The following CTNND2 variants were observed in gnomAD, a reference collection of about 807,000 sequenced individuals.
CTNND2 encodes catenin delta-2.
Under a neutral mutation model 144.4 loss-of-function variants are expected in CTNND2, and 22 were observed. The ratio of observed to expected loss-of-function variants is 0.15; its 90% CI spans 0.11 to 0.22. CTNND2 has a LOEUF of 0.22. CTNND2 is among the 10% of genes least tolerant of loss of function. The probability of loss-of-function intolerance (pLI) is 1.00; values close to 1 mark genes in which losing one functional copy is unlikely to be tolerated. For synonymous variants in CTNND2, 751 were observed against 695.6 expected (o/e 1.08, Z -1.25); for missense variants, 1,353 against 1,618.8 (o/e 0.84, Z 2.82).
At chr5:11,411,018 C>T (rs1217772789) in intron 5 of CTNND2, among the ~76,000 whole-genome samples, 5 of 151,852 alleles carry the variant, frequency 3.3e-5, no homozygotes, top group Non-Finnish European at 5.9e-5. Flanking sequence ...ACTATAGGCA[C>T]GCACCACCAT....
chr5:11,316,499 T>C (rs1255180661), intron 9 of CTNND2, among the ~76,000 whole-genome samples: 1 of 146,986 alleles, frequency 6.8e-6, no homozygotes, highest in African/African-American at 2.6e-5. Flanking sequence ...ATTATTATTA[T>C]TATTATTATA....
chr5:11,501,280 A>C (rs1770497414), intron 3 of CTNND2, among the ~76,000 whole-genome samples: 1 of 152,246 alleles, frequency 6.6e-6, no homozygotes, highest in Non-Finnish European at 1.5e-5. Flanking sequence ...GAAGCCCCAG[A>C]GTTTCACATG....
intron 3 of CTNND2, among the ~76,000 whole-genome samples, chr5:11,534,972 A>T (rs566920883): frequency 4.6e-5 from 7 of 152,094 alleles, no homozygotes; most frequent in Non-Finnish European, 1.0e-4. Context: ...GGATCACCTG[A>T]GGTCAGGAGT....
At chr5:11,058,583 G>A (rs952816203) in intron 16 of CTNND2, among the ~76,000 whole-genome samples, 5 of 152,224 alleles carry the variant, frequency 3.3e-5, no homozygotes, top group African/African-American at 9.6e-5. Flanking sequence ...CGGGCAGTGC[G>A]AAGGGAAATG....
intron 2 of CTNND2, among the ~76,000 whole-genome samples, chr5:11,655,478 C>A (rs1782862791): frequency 6.6e-6 from 1 of 152,026 alleles, no homozygotes; most frequent in Non-Finnish European, 1.5e-5. Context: ...TCACAATTGG[C>A]ATTCGTAAAG....
At chr5:11,738,748 T>C (rs59648730) in intron 1 of CTNND2, among the ~76,000 whole-genome samples, 1 of 152,044 alleles carries the variant, frequency 6.6e-6, no homozygotes, top group Non-Finnish European at 1.5e-5. Context: ...GCCAGCATTC[T>C]TGTGTCACTC....
At chr5:11,438,467 G>A (rs1763968758) in intron 3 of CTNND2, among the ~76,000 whole-genome samples, 2 of 152,160 alleles carry the variant, frequency 1.3e-5, no homozygotes, top group South Asian at 4.1e-4. Context: ...GTGGTGTTGA[G>A]AAAAGCAGAT....
chr5:11,593,564 G>A (rs974420451), intron 2 of CTNND2, among the ~76,000 whole-genome samples: 1 of 152,144 alleles, frequency 6.6e-6, no homozygotes, highest in Non-Finnish European at 1.5e-5. Context: ...GAATCATGGG[G>A]GCAGGTTTTT....
intron 18 of CTNND2, among the ~76,000 whole-genome samples, chr5:11,008,499 G>A (rs1396543103): frequency 6.6e-6 from 1 of 152,152 alleles, no homozygotes; most frequent in Non-Finnish European, 1.5e-5. Flanking sequence ...GAAAAGGCAA[G>A]GAAACAGATT....
intron 16 of CTNND2, among the ~76,000 whole-genome samples, chr5:11,058,678 A>G (rs1026943246): frequency 6.6e-6 from 1 of 152,238 alleles, no homozygotes; most frequent in African/African-American, 2.4e-5. Context: ...TCCAGACACC[A>G]GAATGGTAGA....
chr5:10,977,175 G>A (rs529722347), intron 21 of CTNND2, among the ~76,000 whole-genome samples: 9 of 152,300 alleles, frequency 5.9e-5, no homozygotes, highest in Middle Eastern at 3.4e-3. Context: ...AAGGAAACAC[G>A]TATCCTCCTG....
At chr5:10,985,897 C>T (rs533239393) in intron 20 of CTNND2, among the ~76,000 whole-genome samples, 6 of 152,284 alleles carry the variant, frequency 3.9e-5, no homozygotes, top group East Asian at 3.9e-4. Context: ...TGGCAAACCA[C>T]CACTATCCTC....
intron 10 of CTNND2, among the ~76,000 whole-genome samples, chr5:11,217,383 C>T (rs995889975): frequency 6.6e-6 from 1 of 152,176 alleles, no homozygotes; most frequent in Non-Finnish European, 1.5e-5. Flanking sequence ...GGTGGCTTTT[C>T]AAAAGTGTTC....
At chr5:11,169,350 T>TC (rs1759673878) in intron 11 of CTNND2, among the ~76,000 whole-genome samples, 1 of 152,190 alleles carries the variant, frequency 6.6e-6, no homozygotes. Flanking sequence ...TTTATGGTAG[T>TC]CTTTGGGGAG....
intron 2 of CTNND2, among the ~76,000 whole-genome samples, chr5:11,606,504 G>A (rs1780052648): frequency 6.6e-6 from 1 of 152,130 alleles, no homozygotes; most frequent in South Asian, 2.1e-4. Flanking sequence ...CATTTACTGA[G>A]ATAGAAAAAC....
At chr5:11,868,595 T>C (rs1428117428) in intron 1 of CTNND2, among the ~76,000 whole-genome samples, 2 of 152,194 alleles carry the variant, frequency 1.3e-5, no homozygotes, top group African/African-American at 4.8e-5. Flanking sequence ...AAATGCACGT[T>C]GAAACTTAAT....
intron 2 of CTNND2, among the ~76,000 whole-genome samples, chr5:11,713,409 T>C (rs1343466655): frequency 2.6e-5 from 4 of 151,702 alleles, no homozygotes; most frequent in Non-Finnish European, 4.4e-5. Context: ...TGAAACCCCA[T>C]CTCTACTAAA....
rs529337429 is a variant in CTNND2, at chr5:11,413,518, T to C, written c.288-1449A>G. ...TTTAAAGATCAATCCCATTGGTCAT[T>C]TGCAGAAACTAGACTAGAACTCAGG... On this transcript the variant is annotated intron_variant, in intron 3 of 21. Transcript: ENST00000304623. Among the ~76,000 whole-genome samples, 10 of 152,304 alleles carry C rather than the reference T, an allele frequency of 6.6e-5. No homozygotes were observed. The East Asian group carries it at 1.9e-3, about 29-fold the overall frequency.
chr5:10,995,018 G>C (rs1285962450), intron 18 of CTNND2, among the ~76,000 whole-genome samples: 2 of 152,174 alleles, frequency 1.3e-5, no homozygotes, highest in African/African-American at 4.8e-5. Flanking sequence ...AGGGAGGGAA[G>C]CAGCTTTAGG....
Sources: gnomAD v4.1 joint callset for allele counts (sites outside exome capture counted in the v4.1 genomes callset) on GRCh38, gnomAD v4.1.1 for gene constraint, MANE v1.5 for transcripts, NCBI Gene and HGNC (gene_info 2026-07-23, HGNC 2026-07-21) for gene names.